Variants in VAPB observed in about 807,000 individuals in gnomAD.
The protein encoded by VAPB is VAMP associated protein B and C, also known as vesicle-associated membrane protein-associated protein B/C.
Under a neutral mutation model 25.6 loss-of-function variants are expected in VAPB, and 7 were observed. The observed-to-expected ratio is 0.27, with a 90% CI of 0.16 to 0.51. The LOEUF (loss-of-function observed/expected upper bound fraction) is 0.51, where lower values mean the gene tolerates loss of function less well. Ranked by LOEUF, VAPB falls within the 20% of genes least tolerant of loss-of-function variation. The pLI is 0.97. For synonymous variants in VAPB, 112 were observed against 109.2 expected (o/e 1.03, Z -0.16); for missense variants, 266 against 301.3 (o/e 0.88, Z 0.87).
intron 2 of VAPB, among the ~76,000 whole-genome samples, chr20:58,418,832 T>C (rs772726788): frequency 6.6e-6 from 1 of 152,220 alleles, no homozygotes; most frequent in Non-Finnish European, 1.5e-5. Flanking sequence ...CACTGCACTT[T>C]ACTGATTGTG....
chr20:58,405,768 T>TTTTTAGG (rs1988213786), intron 1 of VAPB, among the ~76,000 whole-genome samples: 1 of 133,352 alleles, frequency 7.5e-6, no homozygotes, highest in Non-Finnish European at 1.6e-5. Context: ...TTTTTTTTTT[T>TTTTTAGG]GAGACGGAGA....
At chr20:58,396,667 G>A (rs1600770887) in intron 1 of VAPB, among the ~76,000 whole-genome samples, 4 of 152,314 alleles carry the variant, frequency 2.6e-5, no homozygotes, top group South Asian at 2.1e-4. Context: ...ACACCCCGTT[G>A]GGTCGGGTCT....
chr20:58,427,957 G>A (rs1568714160), intron 2 of VAPB, among the ~76,000 whole-genome samples: 1 of 146,894 alleles, frequency 6.8e-6, no homozygotes, highest in Non-Finnish European at 1.5e-5. Context: ...TATGATGCAG[G>A]CGAAAGTGAT....
intron 2 of VAPB, among the ~76,000 whole-genome samples, chr20:58,434,363 C>G (rs1205177220): frequency 6.6e-6 from 1 of 152,166 alleles, no homozygotes; most frequent in East Asian, 1.9e-4. Context: ...GACTAGGAAT[C>G]AGAAGACTGG....
chr20:58,434,848 A>G, intron 3 of VAPB, 143 bp downstream of exon 3: 1 of 627,978 alleles, frequency 1.6e-6, no homozygotes, highest in Non-Finnish European at 2.8e-6. Context: ...TTTGTACTTT[A>G]TCTACCTTTA....
chr20:58,422,320 A>G (rs1043201237), intron 2 of VAPB, among the ~76,000 whole-genome samples: 9 of 152,182 alleles, frequency 5.9e-5, no homozygotes, highest in Non-Finnish European at 8.8e-5. Context: ...GATACATACT[A>G]TCAACTAGAG....
intron 1 of VAPB, among the ~76,000 whole-genome samples, 195 bp downstream of exon 1, chr20:58,389,712 G>A (rs1406678030): frequency 1.3e-5 from 2 of 152,096 alleles, no homozygotes; most frequent in East Asian, 3.9e-4. Flanking sequence ...GACCCGAGAG[G>A]GCTGGTGCGG....
chr20:58,431,085 CAA>C (rs1988917397), intron 2 of VAPB: 1 of 152,230 alleles, frequency 6.6e-6, no homozygotes, highest in East Asian at 1.9e-4. Context: ...CAAAACTTGA[CAA>C]GTGTTACTTT....
chr20:58,430,576 CT>C (rs540460479), intron 2 of VAPB, among the ~76,000 whole-genome samples: 73 of 143,040 alleles, frequency 5.1e-4, no homozygotes, highest in Non-Finnish European at 4.9e-4. Context: ...TTTCATTTTT[CT>C]TTTTTTTTTT....
At chr20:58,421,019 CA>C (rs1159892473) in intron 2 of VAPB, among the ~76,000 whole-genome samples, 1 of 152,148 alleles carries the variant, frequency 6.6e-6, no homozygotes, top group African/African-American at 2.4e-5. Flanking sequence ...GCAGATTATC[CA>C]AAAGCCAGCC....
At position 58,389,361 on chromosome 20, in the gene VAPB, G is replaced by T; in HGVS notation, c.-99G>T. ...CCCGCCCGTGCCCCGACCGGTCCCC[G>T]CCTTTTTGTAAAACTTAAAGCGGGC... On this transcript the variant is annotated 5_prime_UTR_variant, in exon 1 of 6. Coordinates refer to ENST00000475243, the MANE Select transcript of VAPB (RefSeq NM_004738.5). The T allele has an allele frequency of 1.2e-6, 1 of 856,398 alleles. No individual in the cohort carries two copies. Among genetic ancestry groups the T allele is most frequent in the Non-Finnish European group, 1.6e-6 (1 of 618,518 alleles). 53.0% of individuals were successfully genotyped at this position (856,398 alleles called of 1,614,324 possible).
At chr20:58,395,552 A>G (rs778608689) in intron 1 of VAPB, among the ~76,000 whole-genome samples, 2 of 152,240 alleles carry the variant, frequency 1.3e-5, no homozygotes, top group Non-Finnish European at 2.9e-5. Flanking sequence ...GACAAGAAAG[A>G]TGAATACAAA....
intron 1 of VAPB, among the ~76,000 whole-genome samples, chr20:58,396,174 G>A (rs1295832962): frequency 1.3e-5 from 2 of 152,088 alleles, no homozygotes; most frequent in Admixed American, 6.5e-5. Flanking sequence ...TGCTTTCTTG[G>A]AGTTTTCCTT....
Position 58,449,610 on chromosome 20 carries a change from A to C in VAPB, c.*5375A>C, listed in dbSNP as rs902417003. The C allele has an allele frequency of 2.2e-6, 1 of 454,104 alleles. No homozygotes were observed. The highest frequency in any genetic ancestry group is 4.4e-6 in the Non-Finnish European group (1 of 226,740). 28.1% of individuals were successfully genotyped at this position (454,104 alleles called of 1,614,324 possible). On this transcript the variant is annotated 3_prime_UTR_variant, in exon 6 of 6. Transcript: ENST00000475243. Reference sequence around the variant, plus strand: ...CACGATATGGATTGCTTTGATTAAAAGATGTCAGTTGAATAAAACAGTACT... The same window carrying C: ...CACGATATGGATTGCTTTGATTAAACGATGTCAGTTGAATAAAACAGTACT...
At position 58,398,872 on chromosome 20, in the gene VAPB, T is replaced by G. The variant is rs910821899; in HGVS notation, c.58+9355T>G. On this transcript the variant is annotated intron_variant, in intron 1 of 5. Coordinates refer to ENST00000475243, the MANE Select transcript of VAPB (RefSeq NM_004738.5). Reference sequence around the variant, plus strand: ...AAGGCTATGGCTTTTTTTTTTTTTGTCGTCATGCTGGCTGTGTTTCTTCCC... The same window carrying G: ...AAGGCTATGGCTTTTTTTTTTTTTGGCGTCATGCTGGCTGTGTTTCTTCCC... 2.0e-5 allele frequency among the ~76,000 whole-genome samples: 3 copies of G among 149,750 alleles called. No homozygotes were observed. The South Asian group carries it at 6.3e-4, about 31-fold the overall frequency.
intron 2 of VAPB, among the ~76,000 whole-genome samples, chr20:58,422,441 A>G (rs1016002587): frequency 2.0e-5 from 3 of 152,238 alleles, no homozygotes; most frequent in African/African-American, 7.2e-5. Flanking sequence ...TGTAAGGAAT[A>G]AAGAACTTTT....
chr20:58,433,466 G>T (rs2123086846), intron 2 of VAPB, among the ~76,000 whole-genome samples: 1 of 152,282 alleles, frequency 6.6e-6, no homozygotes, highest in African/African-American at 2.4e-5. Context: ...CAGAAAGGTG[G>T]TAGAAGCCCT....
intron 3 of VAPB, among the ~76,000 whole-genome samples, chr20:58,437,281 T>G (rs1230815683): frequency 6.9e-6 from 1 of 143,990 alleles, no homozygotes; most frequent in Non-Finnish European, 1.5e-5. Context: ...TTTGAACTTC[T>G]TTTTTTTTTT....
At position 58,449,048 on chromosome 20, in the gene VAPB, C is replaced by T. The variant is rs886587961; in HGVS notation, c.*4813C>T. ...CAGGCCTTTCCCTGAATTAGCACTG[C>T]GGTTCTCCAGGATATCAGCAAAGAG... is the stretch of plus-strand genomic sequence containing the variant. On this transcript the variant is annotated 3_prime_UTR_variant, in exon 6 of 6. Transcript: ENST00000475243. The T allele has an allele frequency of 1.3e-5, 6 of 454,000 alleles. No individual in the cohort carries two copies. Among genetic ancestry groups the T allele is most frequent in the Admixed American group, 2.3e-5 (1 of 42,562 alleles). The allele number at this position is 454,000 out of a possible 1,614,324, so 28.1% of individuals were successfully genotyped here.
Sources: allele counts gnomAD v4.1 joint callset (sites outside exome capture counted in the v4.1 genomes callset), GRCh38; gene constraint gnomAD v4.1.1; transcripts MANE v1.5; gene names NCBI Gene and HGNC (gene_info 2026-07-23, HGNC 2026-07-21).